METTL15: variants seen among roughly 807,000 people sequenced by gnomAD.
The protein encoded by METTL15 is methyltransferase 15, mitochondrial 12S rRNA N4-cytidine.
A neutral mutation model predicts 38.3 loss-of-function variants in METTL15; 34 were observed. The observed-to-expected ratio is 0.89, with a 90% CI of 0.68 to 1.18. METTL15 has a LOEUF of 1.18. Ranked by LOEUF, METTL15 falls within the 50% of genes most tolerant of loss-of-function variation. The pLI, the probability that METTL15 is intolerant of heterozygous loss-of-function variation, is 0.00. For synonymous variants in METTL15, 162 were observed against 170.9 expected (o/e 0.95, Z 0.41); for missense variants, 438 against 498.4 (o/e 0.88, Z 1.15).
chr11:28,302,059 A>G (rs1856932235), intron 6 of METTL15, among the ~76,000 whole-genome samples: 1 of 152,016 alleles, frequency 6.6e-6, no homozygotes, highest in Non-Finnish European at 1.5e-5. Context: ...CGGGTGCCCA[A>G]CATCACAGCA....
At chr11:28,509,966 A>T (rs770553096) in intron 6 of METTL15, among the ~76,000 whole-genome samples, 2 of 152,104 alleles carry the variant, frequency 1.3e-5, no homozygotes, top group Non-Finnish European at 2.9e-5. Context: ...AGTTACTATG[A>T]CAATGGAGTA....
At chr11:28,335,540 C>G (rs1358095442), downstream of METTL15, among the ~76,000 whole-genome samples, 5 of 152,098 alleles carry the variant, frequency 3.3e-5, no homozygotes, top group Non-Finnish European at 7.4e-5. Context: ...CTTTATTTGA[C>G]CCCTCCAAAT....
chr11:28,306,473 G>T (rs1479050480), intron 6 of METTL15, among the ~76,000 whole-genome samples: 1 of 151,928 alleles, frequency 6.6e-6, no homozygotes, highest in African/African-American at 2.4e-5. Context: ...TTTAGATCAG[G>T]CAGTCTTACA....
intron 5 of METTL15, among the ~76,000 whole-genome samples, chr11:28,394,312 C>A (rs1383004158): frequency 6.6e-6 from 1 of 152,052 alleles, no homozygotes; most frequent in Non-Finnish European, 1.5e-5. Flanking sequence ...TAAGAAGGAG[C>A]AGGAAGAGTT....
At chr11:28,320,923 C>T in intron 6 of METTL15, among the ~76,000 whole-genome samples, 1 of 152,122 alleles carries the variant, frequency 6.6e-6, no homozygotes, top group African/African-American at 2.4e-5. Flanking sequence ...GAGAATGTTC[C>T]ATTAATTTAT....
chr11:28,373,394 T>A (rs1216238862), intron 5 of METTL15, among the ~76,000 whole-genome samples: 1 of 152,166 alleles, frequency 6.6e-6, no homozygotes, highest in Non-Finnish European at 1.5e-5. Flanking sequence ...TTTTTTCATG[T>A]GTTTTTTGGC....
chr11:28,286,529 G>A (rs961896553), intron 4 of METTL15, among the ~76,000 whole-genome samples: 4 of 152,118 alleles, frequency 2.6e-5, no homozygotes, highest in African/African-American at 9.7e-5. Flanking sequence ...ATGAAAGGCT[G>A]CTCTGGGGAA....
At chr11:28,495,554 C>G (rs1851528894) in intron 6 of METTL15, among the ~76,000 whole-genome samples, 1 of 152,148 alleles carries the variant, frequency 6.6e-6, no homozygotes, top group Admixed American at 6.5e-5. Flanking sequence ...AATGTACTTC[C>G]TCTTGCCAAG....
intron 4 of METTL15, among the ~76,000 whole-genome samples, chr11:28,232,716 G>C (rs914267445): frequency 6.6e-6 from 1 of 151,880 alleles, no homozygotes; most frequent in Non-Finnish European, 1.5e-5. Context: ...CTGGTTAATT[G>C]CTAGATTTCA....
At chr11:28,232,587 G>A (rs1444449723) in intron 4 of METTL15, among the ~76,000 whole-genome samples, 3 of 151,582 alleles carry the variant, frequency 2.0e-5, no homozygotes, top group South Asian at 2.1e-4. Context: ...ATATGAACAC[G>A]TTTATTTATT....
intron 4 of METTL15, among the ~76,000 whole-genome samples, chr11:28,213,865 C>T (rs937618655): frequency 1.3e-5 from 2 of 151,582 alleles, no homozygotes; most frequent in African/African-American, 4.8e-5. Context: ...CCGTGTTAGC[C>T]AAGATGGTCT....
intron 3 of METTL15, among the ~76,000 whole-genome samples, chr11:28,134,388 G>A (rs746674254): frequency 2.6e-5 from 4 of 152,136 alleles, no homozygotes; most frequent in Admixed American, 6.6e-5. Context: ...ATTCCCCCGT[G>A]CGTATGTGGG....
At chr11:28,398,274 A>T (rs1419843489) in intron 5 of METTL15, among the ~76,000 whole-genome samples, 2 of 151,966 alleles carry the variant, frequency 1.3e-5, no homozygotes, top group African/African-American at 4.8e-5. Context: ...TGGTTTTTAA[A>T]ATAATAAACA....
chr11:28,415,922 T>G (rs1850768540), intron 5 of METTL15, among the ~76,000 whole-genome samples: 1 of 152,180 alleles, frequency 6.6e-6, no homozygotes, highest in South Asian at 2.1e-4. Context: ...CAGTCTTACT[T>G]GTAAAATTTG....
chr11:28,238,268 G>A (rs1226701037), intron 4 of METTL15, among the ~76,000 whole-genome samples: 1 of 152,194 alleles, frequency 6.6e-6, no homozygotes, highest in South Asian at 2.1e-4. Context: ...CCCAGTGCGA[G>A]CTTCCCGGCT....
intron 3 of METTL15, among the ~76,000 whole-genome samples, chr11:28,202,557 C>T (rs935089383): frequency 6.6e-6 from 1 of 151,766 alleles, no homozygotes; most frequent in Non-Finnish European, 1.5e-5. Context: ...ACACTGAATG[C>T]TCAATAAATA....
intron 6 of METTL15, among the ~76,000 whole-genome samples, chr11:28,428,324 A>G (rs1173070748): frequency 1.3e-5 from 2 of 152,228 alleles, no homozygotes; most frequent in Non-Finnish European, 2.9e-5. Flanking sequence ...GAAAAGGTAC[A>G]GTAAAAATAT....
chr11:28,286,029 A>G (rs149106849), intron 4 of METTL15, among the ~76,000 whole-genome samples: 11 of 152,280 alleles, frequency 7.2e-5, no homozygotes, highest in Middle Eastern at 3.4e-3. Context: ...AACAGAATCA[A>G]TAAGAAGTAG....
At chr11:28,129,628 T>C (rs995869037) in intron 3 of METTL15, among the ~76,000 whole-genome samples, 3 of 152,162 alleles carry the variant, frequency 2.0e-5, no homozygotes, top group African/African-American at 7.2e-5. Context: ...CAGGCTGATC[T>C]TGAACTCCTG....
Sources: gnomAD v4.1 joint callset for allele counts (sites outside exome capture counted in the v4.1 genomes callset) on GRCh38, gnomAD v4.1.1 for gene constraint, MANE v1.5 for transcripts, NCBI Gene and HGNC (gene_info 2026-07-23, HGNC 2026-07-21) for gene names.